ACSS3: variants seen among roughly 807,000 people sequenced by gnomAD.
ACSS3 encodes acyl-CoA synthetase short-chain family member 3, mitochondrial.
Under a neutral mutation model 84.2 loss-of-function variants are expected in ACSS3, and 64 were observed. The observed-to-expected ratio is 0.76, with a 90% confidence interval of 0.62 to 0.94. The LOEUF is 0.94. Ranked by LOEUF, ACSS3 falls within the 40% of genes least tolerant of loss-of-function variation. The pLI, the probability that ACSS3 is intolerant of heterozygous loss-of-function variation, is 0.00. For synonymous variants in ACSS3, 317 were observed against 310.1 expected (o/e 1.02, Z -0.23); for missense variants, 815 against 867.6 (o/e 0.94, Z 0.76).
At chr12:81,244,583 T>A (rs532191330) in intron 13 of ACSS3, among the ~76,000 whole-genome samples, 33 of 152,276 alleles carry the variant, frequency 2.2e-4, no homozygotes, top group African/African-American at 7.0e-4. Context: ...CTCTTTGATT[T>A]TTGGTTTTGG....
chr12:81,145,067 A>ATTTTTTTTTTTTTTTTTTTT (rs35753293), intron 5 of ACSS3, among the ~76,000 whole-genome samples: 2 of 100,914 alleles, frequency 2.0e-5, no homozygotes, highest in Non-Finnish European at 1.9e-5. Context: ...CGCCTGGCTA[A>ATTTTTTTTTTTTTTTTTTTT]TTTTTTTTTT....
Position 81,243,189 on chromosome 12 carries a change from A to G in ACSS3, c.1719+9718A>G, listed in dbSNP as rs551673164. Among the ~76,000 whole-genome samples, 16 of 152,324 alleles carry G rather than the reference A, an allele frequency of 1.1e-4. No homozygotes were observed. In the East Asian group the frequency reaches 2.3e-3, roughly 22 times the overall value. ...CAGGATACAAAATCAATGTACAAAA[A>G]TCACAGGCATTCTTATACACCAATA... is the stretch of plus-strand genomic sequence containing the variant. On this transcript the variant is annotated intron_variant, in intron 13 of 15. Coordinates refer to ENST00000548058, the MANE Select transcript of ACSS3 (RefSeq NM_024560.4).
intron 7 of ACSS3, 65 bp from the exon 8 acceptor site, chr12:81,174,723 T>A (rs2030342249): frequency 6.6e-7 from 1 of 1,507,132 alleles, no homozygotes; most frequent in African/African-American, 1.4e-5. Context: ...AATGTATAAC[T>A]ATTGAACTGT....
At chr12:81,133,296 C>T (rs1466872037) in intron 2 of ACSS3, among the ~76,000 whole-genome samples, 1 of 152,032 alleles carries the variant, frequency 6.6e-6, no homozygotes, top group Admixed American at 6.6e-5. Flanking sequence ...GACATGTGAC[C>T]TAATTTCTTC....
intron 9 of ACSS3, among the ~76,000 whole-genome samples, chr12:81,213,552 C>T (rs563712274): frequency 2.6e-4 from 37 of 142,478 alleles, no homozygotes; most frequent in African/African-American, 9.6e-4. Flanking sequence ...AGCAATAGTT[C>T]TCTTTCCTCC....
chr12:81,081,258 G>T (rs758194587), intron 1 of ACSS3, among the ~76,000 whole-genome samples: 48 of 152,166 alleles, frequency 3.2e-4, no homozygotes, highest in Non-Finnish European at 5.7e-4. Flanking sequence ...ATCTTTAAGG[G>T]CGATATATGG....
At chr12:81,140,844 A>G (rs1483867218) in intron 4 of ACSS3, among the ~76,000 whole-genome samples, 1 of 152,216 alleles carries the variant, frequency 6.6e-6, no homozygotes, top group East Asian at 1.9e-4. Context: ...TACAGTATAT[A>G]AGTGCTGAAC....
At chr12:81,103,756 T>C (rs1434503231) in intron 1 of ACSS3, among the ~76,000 whole-genome samples, 1 of 152,156 alleles carries the variant, frequency 6.6e-6, no homozygotes, top group Non-Finnish European at 1.5e-5. Flanking sequence ...ATATTTTCAA[T>C]ATTAAACTAC....
chr12:81,241,110 T>C (rs552981670), intron 13 of ACSS3, among the ~76,000 whole-genome samples: 330 of 151,856 alleles, frequency 2.2e-3, no homozygotes, highest in Non-Finnish European at 3.4e-3. Context: ...CTTGCGATAG[T>C]TTACTGAGAA....
At chr12:81,247,649 C>T (rs1412742110) in intron 13 of ACSS3, among the ~76,000 whole-genome samples, 1 of 152,018 alleles carries the variant, frequency 6.6e-6, no homozygotes, top group East Asian at 1.9e-4. Context: ...AAAATTCTAT[C>T]TCAGTTTAAA....
chr12:81,174,224 A>G (rs2030300873), intron 7 of ACSS3, among the ~76,000 whole-genome samples: 1 of 152,176 alleles, frequency 6.6e-6, no homozygotes, highest in Non-Finnish European at 1.5e-5. Flanking sequence ...TCCATTGAAC[A>G]TATACAATGT....
chr12:81,107,503 AATATATACAT>A (rs1453966208), intron 1 of ACSS3, among the ~76,000 whole-genome samples: 2,348 of 59,506 alleles, frequency 0.039, 402 homozygotes, highest in Non-Finnish European at 0.059. Context: ...TTCAGGTACA[AATATATACAT>A]ATATATATAT....
At chr12:81,107,396 G>A (rs1883102825) in intron 1 of ACSS3, among the ~76,000 whole-genome samples, 1 of 150,350 alleles carries the variant, frequency 6.7e-6, no homozygotes, top group Non-Finnish European at 1.5e-5. Flanking sequence ...ACAAAGAATG[G>A]TAGAATAGAA....
At position 81,174,790 on chromosome 12, in the gene ACSS3, G is replaced by C; in HGVS notation, c.1101G>C (p.Gly367=). Residue 367 remains glycine, a splice_region_variant and synonymous_variant, in exon 8 of 16, where the codon GGG becomes GGC. Coordinates refer to ENST00000548058, the MANE Select transcript of ACSS3 (RefSeq NM_024560.4). ...ATTTTAAATGAATCTCATTGTAGGG[G>C]AAGCCTGTGGGAACACCAGATGCTG... ...LHGNTTVLYE[G]KPVGTPDAGA... 6.2e-7 allele frequency: 1 copy of C among 1,611,680 alleles called. No homozygotes were observed. Among genetic ancestry groups the C allele is most frequent in the East Asian group, 2.2e-5 (1 of 44,858 alleles).
At chr12:81,195,020 A>G (rs1458561754) in intron 8 of ACSS3, among the ~76,000 whole-genome samples, 1 of 152,048 alleles carries the variant, frequency 6.6e-6, no homozygotes, top group African/African-American at 2.4e-5. Context: ...AGTTTCATAT[A>G]TAAGCCAAAG....
chr12:81,176,101 T>C (rs910846433), intron 8 of ACSS3, among the ~76,000 whole-genome samples: 10 of 152,240 alleles, frequency 6.6e-5, no homozygotes, highest in African/African-American at 2.4e-4. Flanking sequence ...GATAGGCCAC[T>C]AGCTAGACTA....
intron 1 of ACSS3, among the ~76,000 whole-genome samples, chr12:81,096,013 A>C (rs908768889): frequency 6.6e-6 from 1 of 152,224 alleles, no homozygotes; most frequent in Non-Finnish European, 1.5e-5. Context: ...CAATTACCCA[A>C]TTTGGAGAGT....
chr12:81,189,309 ACACT>A (rs1396678896), intron 8 of ACSS3, among the ~76,000 whole-genome samples: 2 of 152,154 alleles, frequency 1.3e-5, no homozygotes, highest in Non-Finnish European at 2.9e-5. Context: ...ACCAATTTAC[ACACT>A]CACTTGCAGT....
intron 2 of ACSS3, among the ~76,000 whole-genome samples, chr12:81,123,073 A>G (rs1884774713): frequency 6.6e-6 from 1 of 151,578 alleles, no homozygotes; most frequent in African/African-American, 2.4e-5. Flanking sequence ...AAAAAAAATC[A>G]ATATTCTTGC....
Sources: gnomAD v4.1 joint callset for allele counts (sites outside exome capture counted in the v4.1 genomes callset) on GRCh38, gnomAD v4.1.1 for gene constraint, MANE v1.5 for transcripts, NCBI Gene and HGNC (gene_info 2026-07-23, HGNC 2026-07-21) for gene names.